The following TASP1 variants were observed in gnomAD, a reference collection of about 807,000 sequenced individuals.
TASP1 encodes the protein threonine aspartase 1.
In TASP1, 16 loss-of-function variants were observed where a neutral mutation model predicts 56.6. That is an observed-to-expected ratio of 0.28 (90% CI 0.19 to 0.43). The LOEUF (loss-of-function observed/expected upper bound fraction) is 0.43. TASP1 is among the 20% of genes least tolerant of loss of function. The probability of loss-of-function intolerance (pLI) is 1.00; values close to 1 mark genes in which losing one functional copy is unlikely to be tolerated. For synonymous variants in TASP1, 179 were observed against 184.2 expected (o/e 0.97, Z 0.23); for missense variants, 393 against 511.6 (o/e 0.77, Z 2.24).
the TASP1 span, among the ~76,000 whole-genome samples, chr20:13,173,474 T>A: frequency 1.3e-5 from 2 of 152,188 alleles, no homozygotes; most frequent in Admixed American, 6.5e-5. Context: ...AGGAAAGATA[T>A]GCTTACTTCT....
the TASP1 span, among the ~76,000 whole-genome samples, chr20:13,152,000 T>C: frequency 6.6e-6 from 1 of 152,082 alleles, no homozygotes; most frequent in Non-Finnish European, 1.5e-5. Context: ...AAAAAAGATA[T>C]AATCATAATC....
chr20:13,293,072 C>T, the TASP1 span, among the ~76,000 whole-genome samples: 10 of 151,916 alleles, frequency 6.6e-5, no homozygotes, highest in East Asian at 7.8e-4. Flanking sequence ...TGGTGGCAGG[C>T]GCCTGTAGTC....
intron 10 of TASP1, among the ~76,000 whole-genome samples, chr20:13,511,353 A>C (rs188485881): frequency 4.1e-4 from 62 of 152,260 alleles, no homozygotes; most frequent in African/African-American, 1.4e-3. Flanking sequence ...TCATCAATGG[A>C]GCCCGTGAAC....
At chr20:13,198,818 C>A in the TASP1 span, among the ~76,000 whole-genome samples, 2 of 136,948 alleles carry the variant, frequency 1.5e-5, no homozygotes, top group South Asian at 5.1e-4. Context: ...TTCTTTCTTT[C>A]TTTCTTTCTT....
In TASP1 at chr20:13,390,542, CACCAGAG is replaced by C; in HGVS notation, c.1171-97_1171-91del. 7 of 1,133,364 alleles carry C rather than the reference CACCAGAG, an allele frequency of 6.2e-6. No individual in the cohort carries two copies. In the South Asian group the frequency reaches 9.2e-5, roughly 15 times the overall value. The allele number at this position is 1,133,364 out of a possible 1,614,324, so 70.2% of individuals were successfully genotyped here. A position where few individuals can be genotyped will look rare whatever the true frequency, so the allele number is the denominator to read the frequency against. ...CCGTGTCCAAAAAAGGTGGAGGAAA[CACCAGAG>C]CATTAGGCCTTCATTTTGCTTCTGA... On this transcript the variant is annotated intron_variant, in intron 13 of 13. Coordinates refer to ENST00000337743, the MANE Select transcript of TASP1 (RefSeq NM_017714.3).
chr20:13,125,359 G>T, the TASP1 span, among the ~76,000 whole-genome samples: 1 of 152,190 alleles, frequency 6.6e-6, no homozygotes, highest in African/African-American at 2.4e-5. Flanking sequence ...GTTCTCTGCT[G>T]CCAAAGGCAT....
At chr20:13,122,150 A>T in the TASP1 span, among the ~76,000 whole-genome samples, 1 of 152,194 alleles carries the variant, frequency 6.6e-6, no homozygotes, top group Non-Finnish European at 1.5e-5. Flanking sequence ...GTTTTCCATT[A>T]GACGGTCAAT....
chr20:13,320,506 A>G, the TASP1 span, among the ~76,000 whole-genome samples: 2 of 152,208 alleles, frequency 1.3e-5, no homozygotes, highest in Admixed American at 1.3e-4. Flanking sequence ...TGGCTTTAGA[A>G]AGACCCAAAT....
chr20:13,425,071 A>G (rs762064452), intron 12 of TASP1, among the ~76,000 whole-genome samples: 1 of 152,208 alleles, frequency 6.6e-6, no homozygotes, highest in African/African-American at 2.4e-5. Context: ...ATGTATTTGT[A>G]CTTAATCTTA....
chr20:13,376,645 T>C, the TASP1 span, among the ~76,000 whole-genome samples: 9 of 152,372 alleles, frequency 5.9e-5, no homozygotes, highest in East Asian at 1.7e-3. Context: ...GGGGATAGCA[T>C]AGAATCTATA....
At chr20:13,399,798 A>G (rs2041669606) in intron 13 of TASP1, among the ~76,000 whole-genome samples, 1 of 152,172 alleles carries the variant, frequency 6.6e-6, no homozygotes, top group Admixed American at 6.5e-5. Flanking sequence ...TCAGGGGAAA[A>G]GCCCAAATAC....
chr20:13,423,074 TTCA>T, intron 12 of TASP1, among the ~76,000 whole-genome samples: 1 of 152,342 alleles, frequency 6.6e-6, no homozygotes, highest in East Asian at 1.9e-4. Flanking sequence ...TATAAGAATC[TTCA>T]TCAAAGTAGC....
At chr20:13,572,799 T>G (rs1426963985) in intron 6 of TASP1, among the ~76,000 whole-genome samples, 1 of 151,982 alleles carries the variant, frequency 6.6e-6, no homozygotes, top group Non-Finnish European at 1.5e-5. Context: ...ATCTCATGGA[T>G]GTACTCATGT....
chr20:13,356,570 C>T, the TASP1 span, among the ~76,000 whole-genome samples: 2 of 152,202 alleles, frequency 1.3e-5, no homozygotes, highest in Non-Finnish European at 2.9e-5. Context: ...CAATGAGCTA[C>T]CAATCAGCCT....
chr20:13,399,556 A>G (rs925614468), intron 13 of TASP1, among the ~76,000 whole-genome samples: 3 of 151,992 alleles, frequency 2.0e-5, no homozygotes, highest in African/African-American at 7.3e-5. Context: ...TTTCCCTCAT[A>G]TCTCTATCCA....
chr20:13,178,487 T>C, the TASP1 span, among the ~76,000 whole-genome samples: 1 of 152,058 alleles, frequency 6.6e-6, no homozygotes, highest in Non-Finnish European at 1.5e-5. Context: ...ATAGCCAAAA[T>C]AGGTGATCTA....
At chr20:13,384,543 G>A (rs919212417), downstream of TASP1, among the ~76,000 whole-genome samples, 1 of 152,190 alleles carries the variant, frequency 6.6e-6, no homozygotes, top group Admixed American at 6.5e-5. Context: ...CAGCCTGTGA[G>A]TTTCTGATCA....
chr20:13,347,398 G>T, the TASP1 span, among the ~76,000 whole-genome samples: 8 of 152,136 alleles, frequency 5.3e-5, no homozygotes, highest in African/African-American at 1.9e-4. Flanking sequence ...CCTTTCCTGG[G>T]CTCTCCAACC....
At chr20:13,546,535 C>T (rs1205592225) in intron 8 of TASP1, among the ~76,000 whole-genome samples, 1 of 152,186 alleles carries the variant, frequency 6.6e-6, no homozygotes, top group African/African-American at 2.4e-5. Context: ...TCCCCTAGCC[C>T]CCCTGGAAAA....
Sources: gnomAD v4.1 joint callset for allele counts (sites outside exome capture counted in the v4.1 genomes callset) on GRCh38, gnomAD v4.1.1 for gene constraint, MANE v1.5 for transcripts, NCBI Gene and HGNC (gene_info 2026-07-23, HGNC 2026-07-21) for gene names.